SPTBN4: variants seen among roughly 807,000 people sequenced by gnomAD.
The protein encoded by SPTBN4 is spectrin beta chain, non-erythrocytic 4.
In SPTBN4, 96 loss-of-function variants were observed where a neutral mutation model predicts 277.8. That is an observed-to-expected ratio of 0.35 (90% CI 0.29 to 0.41). SPTBN4 has a LOEUF of 0.41. Ranked by LOEUF, SPTBN4 falls within the 10% of genes least tolerant of loss-of-function variation. The probability of loss-of-function intolerance (pLI) is 1.00; values close to 1 mark genes in which losing one functional copy is unlikely to be tolerated. For synonymous variants in SPTBN4, 1,481 were observed against 1,580.3 expected (o/e 0.94, Z 1.49); for missense variants, 3,006 against 3,595.7 (o/e 0.84, Z 4.19).
chr19:40,494,095 C>G (rs1451544112), intron 5 of SPTBN4, among the ~76,000 whole-genome samples: 2 of 150,306 alleles, frequency 1.3e-5, no homozygotes, highest in Non-Finnish European at 2.9e-5. Flanking sequence ...CTGCAGGGAG[C>G]AGTAAGACCT....
chr19:40,477,363 T>C (rs554791227), intron 2 of SPTBN4, among the ~76,000 whole-genome samples: 1 of 152,214 alleles, frequency 6.6e-6, no homozygotes, highest in Non-Finnish European at 1.5e-5. Context: ...CTAGAAAATA[T>C]TAATTCAGTG....
chr19:40,559,655 CA>C (rs2145940854), intron 26 of SPTBN4, among the ~76,000 whole-genome samples: 1 of 152,188 alleles, frequency 6.6e-6, no homozygotes, highest in Non-Finnish European at 1.5e-5. Context: ...CTCAGAAAAA[CA>C]AACAAAAAAC....
Position 40,554,641 on chromosome 19 carries a change from G to A in SPTBN4, c.5079G>A (p.Pro1693=), listed in dbSNP as rs374900820. The A allele has an allele frequency of 1.2e-4, 190 of 1,589,316 alleles. No individual in the cohort carries two copies. Among genetic ancestry groups the A allele is most frequent in the Non-Finnish European group, 1.6e-4 (184 of 1,167,568 alleles). ...QCRALLEMGH[P]DSEQISRRQS... ...GGGCGCTGCTGGAGATGGGGCACCCGGACAGGTGGGCGGGCGCGTGGCCAG... is the reference window on the plus strand; with the variant it reads ...GGGCGCTGCTGGAGATGGGGCACCCAGACAGGTGGGCGGGCGCGTGGCCAG... The change falls in exon 24 of 36, where the codon CCG becomes CCA. Residue 1693 remains proline (P), a synonymous_variant. Coordinates refer to ENST00000598249, the MANE Select transcript of SPTBN4 (RefSeq NM_020971.3). The surrounding 1 kb of genome is among the most constrained non-coding windows in gnomAD (Gnocchi z 5.7).
intron 16 of SPTBN4, among the ~76,000 whole-genome samples, chr19:40,520,736 C>G (rs565888575): frequency 1.5e-4 from 23 of 152,244 alleles, no homozygotes; most frequent in Admixed American, 1.3e-3. Context: ...CAGTGGTTAT[C>G]TGGGGACAGC....
intron 2 of SPTBN4, among the ~76,000 whole-genome samples, chr19:40,479,105 G>A (rs545778013): frequency 3.3e-5 from 5 of 151,252 alleles, no homozygotes; most frequent in Non-Finnish European, 5.9e-5. Context: ...TTTTTCTCCC[G>A]CTTTTATTTT....
At chr19:40,546,904 G>A (rs534079941) in intron 20 of SPTBN4, among the ~76,000 whole-genome samples, 3 of 152,306 alleles carry the variant, frequency 2.0e-5, no homozygotes, top group Middle Eastern at 3.4e-3. Context: ...CTGTGAAGAC[G>A]AAGCAGGATG....
intron 2 of SPTBN4, among the ~76,000 whole-genome samples, chr19:40,485,632 C>A (rs1168746318): frequency 1.3e-5 from 2 of 151,684 alleles, no homozygotes; most frequent in Non-Finnish European, 2.9e-5. Flanking sequence ...ATCGTGAGAC[C>A]CTTGTCTCTA....
chr19:40,562,397 GCA>G (rs1170717004), intron 27 of SPTBN4, among the ~76,000 whole-genome samples: 1 of 152,082 alleles, frequency 6.6e-6, no homozygotes, highest in African/African-American at 2.4e-5. Context: ...GGGTGTTGTG[GCA>G]TGTGCCTGTA....
At chr19:40,552,490 A>G (rs80003971) in intron 22 of SPTBN4, among the ~76,000 whole-genome samples, 11 of 152,056 alleles carry the variant, frequency 7.2e-5, no homozygotes, top group South Asian at 6.2e-4. Context: ...AAAAAAAAAA[A>G]AGATTTACTG....
rs986834191 is a variant in SPTBN4 at position 40,568,336 on chromosome 19, C to T, written c.6956+54C>T. Reference sequence around the variant, plus strand: ...TGAGGGGAGGGGAAAGCGGAGAGCTCCTAGAACCCCTCAGGCCCAGTGAAA... The same window carrying T: ...TGAGGGGAGGGGAAAGCGGAGAGCTTCTAGAACCCCTCAGGCCCAGTGAAA... On this transcript the variant is annotated intron_variant, in intron 31 of 35. Transcript: ENST00000598249. 5.3e-6 allele frequency: 8 copies of T among 1,517,098 alleles called. No homozygotes were observed. The Admixed American group carries it at 1.3e-4, about 24-fold the overall frequency. 94.0% of individuals were successfully genotyped at this position (1,517,098 alleles called of 1,614,324 possible).
intron 12 of SPTBN4, 23 bp downstream of exon 12, chr19:40,504,155 G>A (rs1171198220): frequency 7.9e-7 from 1 of 1,259,910 alleles, no homozygotes. Context: ...GGGCGGGGAT[G>A]CGGGTGGAGT....
intron 27 of SPTBN4, among the ~76,000 whole-genome samples, chr19:40,565,179 C>G (rs929627954): frequency 1.4e-4 from 22 of 151,782 alleles, no homozygotes; most frequent in African/African-American, 5.1e-4. Context: ...GCAGGAGAAT[C>G]GCCTGAACTC....
intron 4 of SPTBN4, among the ~76,000 whole-genome samples, chr19:40,491,473 G>A (rs536374404): frequency 6.6e-5 from 10 of 152,160 alleles, no homozygotes; most frequent in East Asian, 3.9e-4. Context: ...TGGGCATGGC[G>A]GCTCATGCCC....
Position 40,502,971 on chromosome 19 carries a change from G to T in SPTBN4, c.1362+38G>T. On this transcript the variant is annotated intron_variant, in intron 11 of 35. Coordinates refer to ENST00000598249, the MANE Select transcript of SPTBN4 (RefSeq NM_020971.3). The surrounding 1 kb of genome is among the most constrained non-coding windows in gnomAD (Gnocchi z 4.9). ...GGGCTTGGCTCCAGGGTAAAGGGAC[G>T]GAGGGCGGGGCTGATGGTCCTGGGA... 6.2e-7 allele frequency: 1 copy of T among 1,602,820 alleles called. No individual in the cohort carries two copies. The highest frequency in any genetic ancestry group is 1.7e-4 in the Middle Eastern group (1 of 5,730).
intron 33 of SPTBN4, chr19:40,571,146 T>C (rs2081153063): frequency 6.0e-6 from 1 of 166,358 alleles, no homozygotes; most frequent in Non-Finnish European, 1.3e-5. Context: ...GTTGATCAGC[T>C]AAATAGCAAA....
intron 19 of SPTBN4, 108 bp downstream of exon 19, chr19:40,532,879 C>T: frequency 1.5e-6 from 2 of 1,342,346 alleles, no homozygotes; most frequent in Non-Finnish European, 2.0e-6. Flanking sequence ...TCTTACACCT[C>T]TGGACTGACT....
intron 15 of SPTBN4, among the ~76,000 whole-genome samples, chr19:40,518,242 G>T (rs888535289): frequency 6.6e-6 from 1 of 152,060 alleles, no homozygotes; most frequent in East Asian, 1.9e-4. Context: ...GGAGGCGGAG[G>T]TTGCAGTGAG....
chr19:40,534,078 A>T lies in SPTBN4; in HGVS notation c.4096-2A>T. 6.3e-7 allele frequency: 1 copy of T among 1,599,590 alleles called. No individual in the cohort carries two copies. The highest frequency in any genetic ancestry group is 8.6e-7 in the Non-Finnish European group (1 of 1,168,964). On this transcript the variant is annotated splice_acceptor_variant, in intron 19 of 35. Transcript: ENST00000598249. LOFTEE classifies it high-confidence loss of function. ...CTCCTGCCATCCACCCACTTGGGGC[A>T]GGAGGGCCAGCAACTGATGCAGGAG...
chr19:40,514,486 G>C (rs1348231524), intron 14 of SPTBN4, among the ~76,000 whole-genome samples: 1 of 152,208 alleles, frequency 6.6e-6, no homozygotes, highest in Non-Finnish European at 1.5e-5. Context: ...AGGCCATGGA[G>C]ACTGATGGGC....
Sources: allele counts gnomAD v4.1 joint callset (sites outside exome capture counted in the v4.1 genomes callset), GRCh38; gene constraint gnomAD v4.1.1; non-coding constraint Gnocchi (gnomAD v3.1); transcripts MANE v1.5; gene names NCBI Gene and HGNC (gene_info 2026-07-23, HGNC 2026-07-21).